Variants in ANKS6 observed in about 807,000 individuals in gnomAD.
ANKS6 encodes the protein ankyrin repeat and SAM domain-containing protein 6.
ANKS6 carries 47 observed loss-of-function variants against 77.9 expected under a neutral mutation model. The ratio of observed to expected loss-of-function variants is 0.60; its 90% CI spans 0.48 to 0.77. The LOEUF (loss-of-function observed/expected upper bound fraction) is 0.77. Ranked by LOEUF, ANKS6 falls within the 30% of genes least tolerant of loss-of-function variation. ANKS6 has a pLI of 0.00. For synonymous variants in ANKS6, 488 were observed against 501.7 expected (o/e 0.97, Z 0.37); for missense variants, 1,150 against 1,159.1 (o/e 0.99, Z 0.11).
At chr9:98,761,380 C>T in intron 11 of ANKS6, among the ~76,000 whole-genome samples, 1 of 152,150 alleles carries the variant, frequency 6.6e-6, no homozygotes, top group Admixed American at 6.5e-5. Context: ...AGCAATATTC[C>T]CATCTCAGCC....
intron 14 of ANKS6, among the ~76,000 whole-genome samples, chr9:98,745,240 T>G: frequency 6.6e-6 from 1 of 152,088 alleles, no homozygotes; most frequent in Middle Eastern, 3.2e-3. Flanking sequence ...ACACAGTGAA[T>G]AAGTGAAGGA....
chr9:98,756,590 C>A lies in ANKS6; in HGVS notation c.2156G>T (p.Ser719Ile), dbSNP rs1405811078. Residue 719 changes from serine to isoleucine, a missense_variant, in exon 12 of 15, where the codon AGC becomes ATC. Physicochemically the swap from Ser to Ile is moderately radical, Grantham distance 142 (BLOSUM62 -2). Transcript: ENST00000353234. ...GGAAGTTCCAGATGGAGGCCTTTTG[C>A]TGGTCTCCAATTTCTGCTGAACAGA... ...SAPVGKKLETSKRPPSGTSTT... is the reference protein window; with the variant it reads ...SAPVGKKLETIKRPPSGTSTT... 6.5e-7 allele frequency: 1 copy of A among 1,539,272 alleles called. No homozygotes were observed. Among genetic ancestry groups the A allele is most frequent in the Admixed American group, 2.1e-5 (1 of 48,028 alleles).
chr9:98,765,839 G>A (rs1408158777), intron 11 of ANKS6, among the ~76,000 whole-genome samples: 2 of 152,126 alleles, frequency 1.3e-5, no homozygotes, highest in South Asian at 2.1e-4. Flanking sequence ...TTTAAGCAAA[G>A]TACAAAAACC....
Position 98,747,790 on chromosome 9 carries a change from C to G in ANKS6, c.2395-2115G>C, listed in dbSNP as rs1429420950. Among the ~76,000 whole-genome samples the G allele has an allele frequency of 3.3e-5, 5 of 152,306 alleles. No individual in the cohort carries two copies. In the East Asian group the frequency reaches 9.7e-4, roughly 29 times the overall value. On this transcript the variant is annotated intron_variant, in intron 13 of 14. Coordinates refer to ENST00000353234, the MANE Select transcript of ANKS6 (RefSeq NM_173551.5). ...CTTCTGCCCTTCCAACCCCTGTCCA[C>G]CTCCACACCAGAGGTAACAGACCTT...
intron 14 of ANKS6, among the ~76,000 whole-genome samples, chr9:98,739,525 C>T (rs1383149169): frequency 6.6e-6 from 1 of 152,088 alleles, no homozygotes; most frequent in Non-Finnish European, 1.5e-5. Context: ...TTGGTTTCCT[C>T]ATCTACAAAA....
intron 14 of ANKS6, among the ~76,000 whole-genome samples, chr9:98,741,406 C>A (rs927507888): frequency 3.3e-5 from 5 of 152,034 alleles, no homozygotes; most frequent in African/African-American, 1.2e-4. Context: ...CTGGGCAACA[C>A]AGGAAGACCC....
rs1202222062 is a variant in ANKS6, at chr9:98,733,827, C to A, written c.*2692G>T. The A allele has an allele frequency of 1.0e-5, 10 of 985,398 alleles. No individual in the cohort carries two copies. Among genetic ancestry groups the A allele is most frequent in the Non-Finnish European group, 1.2e-5 (10 of 829,918 alleles). The allele number at this position is 985,398 out of a possible 1,614,324, so 61.0% of individuals were successfully genotyped here. A position where few individuals can be genotyped will look rare whatever the true frequency, so the allele number is the denominator to read the frequency against. On this transcript the variant is annotated 3_prime_UTR_variant, in exon 15 of 15. Transcript: ENST00000353234. ...ACCTCACCCCACTTTCACATACACA[C>A]CCTACGTTTCTTTATGAAAAACCTA...
intron 13 of ANKS6, among the ~76,000 whole-genome samples, chr9:98,750,801 A>G (rs150720495): frequency 1.1e-3 from 172 of 152,318 alleles, no homozygotes; most frequent in Middle Eastern, 0.01. Flanking sequence ...ACTTTTCTAG[A>G]GAGAGCAGTG....
intron 1 of ANKS6, 52 bp from the exon 2 acceptor site, chr9:98,790,658 C>A: frequency 6.4e-7 from 1 of 1,557,440 alleles, no homozygotes; most frequent in Non-Finnish European, 8.7e-7. Flanking sequence ...ACTCGGGGGC[C>A]AGCTTATGTC....
intron 10 of ANKS6, among the ~76,000 whole-genome samples, chr9:98,769,120 T>C (rs1479635222): frequency 7.3e-6 from 1 of 137,690 alleles, no homozygotes; most frequent in African/African-American, 2.6e-5. Flanking sequence ...TGAGACTCTG[T>C]CTCAAAGAAA....
intron 2 of ANKS6, chr9:98,789,857 A>G: frequency 2.1e-6 from 1 of 469,692 alleles, no homozygotes; most frequent in East Asian, 3.3e-5. Flanking sequence ...TGGGGAGAGC[A>G]GCCTTGTTAT....
rs1253130075 is a variant in ANKS6 at position 98,732,202 on chromosome 9, G to A, written c.*4317C>T. The A allele has an allele frequency of 2.6e-5, 11 of 424,388 alleles. No homozygotes were observed. Among genetic ancestry groups the A allele is most frequent in the East Asian group, 8.8e-5 (2 of 22,612 alleles). 26.3% of individuals were successfully genotyped at this position (424,388 alleles called of 1,614,324 possible). On this transcript the variant is annotated 3_prime_UTR_variant, in exon 15 of 15. Transcript: ENST00000353234. Reference sequence around the variant, plus strand: ...GCAGAATTCTCCCAGGAAGGGTCCCGGGCTCTTCAGGAGGCATTTACTTGG... The same window carrying A: ...GCAGAATTCTCCCAGGAAGGGTCCCAGGCTCTTCAGGAGGCATTTACTTGG...
In ANKS6 at chr9:98,771,310, C is replaced by T. The variant is rs374104777; in HGVS notation, c.1822-264G>A. Among the ~76,000 whole-genome samples, 36 of 152,296 alleles carry T rather than the reference C, an allele frequency of 2.4e-4. 1 individual carries two copies. The South Asian group carries it at 7.5e-3, about 32-fold the overall frequency. The stretch of plus-strand genomic sequence containing the variant: ...CCTTGCTTTCAGTCTCATTCAACTC[C>T]AGGGCCTTCCAGGAAAAAACCTGAC... On this transcript the variant is annotated intron_variant, in intron 9 of 14. Transcript: ENST00000353234.
intron 8 of ANKS6, among the ~76,000 whole-genome samples, chr9:98,774,575 C>T (rs1833823649): frequency 6.6e-6 from 1 of 152,068 alleles, no homozygotes; most frequent in African/African-American, 2.4e-5. Context: ...TGCAAGGAGA[C>T]CAGCATGAGC....
rs1316104522 is a variant in ANKS6, at chr9:98,735,396, C to T, written c.*1123G>A. ...AAGCACTGGCTGAATGAGTCATTCACTGGAAAACACTTCAGAAAGCCAGTG... is the reference window on the plus strand; with the variant it reads ...AAGCACTGGCTGAATGAGTCATTCATTGGAAAACACTTCAGAAAGCCAGTG... On this transcript the variant is annotated 3_prime_UTR_variant, in exon 15 of 15. Transcript: ENST00000353234. The T allele has an allele frequency of 4.4e-6, 5 of 1,125,772 alleles. No individual in the cohort carries two copies. In the Admixed American group the frequency reaches 1.5e-4, roughly 33 times the overall value. The allele number at this position is 1,125,772 out of a possible 1,614,324, so 69.7% of individuals were successfully genotyped here.
chr9:98,784,246 G>T, intron 3 of ANKS6, 89 bp from the exon 4 acceptor site: 1 of 1,220,732 alleles, frequency 8.2e-7, no homozygotes, highest in Non-Finnish European at 1.1e-6. Flanking sequence ...ACACTTGCTG[G>T]CCCTGCTCTG....
intron 2 of ANKS6, 37 bp downstream of exon 2, chr9:98,790,067 G>T: frequency 6.6e-7 from 1 of 1,522,592 alleles, no homozygotes; most frequent in Non-Finnish European, 8.8e-7. Context: ...CACAATTTGG[G>T]GTCCTCTGTG....
In ANKS6 at chr9:98,742,164, C is replaced by A. The variant is rs1053792996; in HGVS notation, c.2511+3395G>T. ...CTCTAATGTGTACAGAGCACTAGAG[C>A]CACAATGGGTACTCTCTCTTGGTTG... On this transcript the variant is annotated intron_variant, in intron 14 of 14. Transcript: ENST00000353234. Among the ~76,000 whole-genome samples the A allele has an allele frequency of 1.3e-5, 2 of 152,160 alleles. 1 individual carries two copies. Among genetic ancestry groups the A allele is most frequent in the Admixed American group, 1.3e-4 (2 of 15,286 alleles).
At chr9:98,771,196 G>A in intron 9 of ANKS6, 150 bp from the exon 10 acceptor site, 1 of 911,040 alleles carries the variant, frequency 1.1e-6, no homozygotes, top group Middle Eastern at 3.2e-4. Flanking sequence ...CCCAGCTGGG[G>A]AGTCCCTGAG....
Sources: gnomAD v4.1 joint callset for allele counts (sites outside exome capture counted in the v4.1 genomes callset) on GRCh38, gnomAD v4.1.1 for gene constraint, MANE v1.5 for transcripts, NCBI Gene and HGNC (gene_info 2026-07-23, HGNC 2026-07-21) for gene names.